PSG11: variants seen among roughly 807,000 people sequenced by gnomAD.
PSG11 encodes the protein pregnancy-specific beta-1-glycoprotein 11.
PSG11 carries 42 observed loss-of-function variants against 36.0 expected under a neutral mutation model. That is an observed-to-expected ratio of 1.17 (90% CI 0.91 to 1.51). The LOEUF is 1.51. Among genes scored for constraint, PSG11 ranks in the 40% most tolerant of loss-of-function variants. The probability of loss-of-function intolerance (pLI) is 0.00; values close to 1 mark genes in which losing one functional copy is unlikely to be tolerated. For synonymous variants in PSG11, 206 were observed against 153.5 expected (o/e 1.34, Z -2.53); for missense variants, 558 against 403.5 (o/e 1.38, Z -3.28).
At chr19:43,019,393 C>T in intron 2 of PSG11, 1 of 329,202 alleles carries the variant, frequency 3.0e-6, no homozygotes. Flanking sequence ...TGACTTGGAG[C>T]ATGCAGTGCT....
intron 4 of PSG11, among the ~76,000 whole-genome samples, chr19:43,012,863 G>C (rs28754933): frequency 0.038 from 5,756 of 151,428 alleles, 347 homozygotes; most frequent in African/African-American, 0.084. Flanking sequence ...GGAGGACTCA[G>C]ACTTCCTGAT....
intron 4 of PSG11, chr19:43,014,034 T>C (rs557406653): frequency 6.6e-6 from 1 of 151,590 alleles, no homozygotes; most frequent in African/African-American, 2.4e-5. Flanking sequence ...GTAATTATTA[T>C]ATAATTCCAT....
chr19:43,011,158 T>C (rs1222181295), intron 4 of PSG11, among the ~76,000 whole-genome samples: 1 of 151,100 alleles, frequency 6.6e-6, no homozygotes, highest in Non-Finnish European at 1.5e-5. Flanking sequence ...ATGATGATAG[T>C]AATATAGTAG....
chr19:43,026,393 TCTC>T lies in PSG11; in HGVS notation c.-24_-22del, dbSNP rs1460727794. 1.9e-6 allele frequency: 3 copies of T among 1,607,350 alleles called. No individual in the cohort carries two copies. Among genetic ancestry groups the T allele is most frequent in the African/African-American group, 2.7e-5 (2 of 74,060 alleles). On this transcript the variant is annotated 5_prime_UTR_variant, in exon 1 of 6. Transcript: ENST00000320078. ...CCCATGATCTCTGCTGCGTGCATGT[TCTC>T]CTCTGTGGAGATGAGCCTAGGATCC...
chr19:43,013,104 C>T (rs1974115088), intron 4 of PSG11, among the ~76,000 whole-genome samples: 4 of 151,292 alleles, frequency 2.6e-5, no homozygotes. Flanking sequence ...CTTTACCTAA[C>T]ACCATGTACA....
At chr19:43,013,126 A>T (rs1368780378) in intron 4 of PSG11, among the ~76,000 whole-genome samples, 2 of 151,334 alleles carry the variant, frequency 1.3e-5, no homozygotes, top group African/African-American at 4.9e-5. Context: ...AAATTAACCC[A>T]CAATAAATCA....
intron 2 of PSG11, among the ~76,000 whole-genome samples, chr19:43,021,440 C>G (rs1358517352): frequency 6.6e-6 from 1 of 151,274 alleles, no homozygotes; most frequent in African/African-American, 2.4e-5. Flanking sequence ...CAAGCTCCAC[C>G]TCCCGGGTTC....
Position 43,019,008 on chromosome 19 carries a change from G to A in PSG11, c.471C>T (p.Asn157=), listed in dbSNP as rs753564155. 1.1e-5 allele frequency: 18 copies of A among 1,611,922 alleles called. 1 individual carries two copies. Among genetic ancestry groups the A allele is most frequent in the African/African-American group, 8.1e-5 (6 of 74,374 alleles). ...PKPSISSSNL[N]PREAMETVIL... ...TCACAGTCTCCATGGCCTCCCTGGG[G>A]TTTAAGTTGCTGCTGGAGATGGAGG... The change falls in exon 3 of 6, where the codon AAC becomes AAT. Residue 157 remains asparagine, a synonymous_variant. Coordinates refer to ENST00000320078, the MANE Select transcript of PSG11 (RefSeq NM_002785.3).
At chr19:43,023,255 A>C (rs996245911) in intron 2 of PSG11, among the ~76,000 whole-genome samples, 2 of 150,370 alleles carry the variant, frequency 1.3e-5, no homozygotes, top group Admixed American at 6.6e-5. Flanking sequence ...AGGATTCTGC[A>C]TTCAAGATCC....
Position 43,018,978 on chromosome 19 carries a change from T to G in PSG11, c.501A>C (p.Leu167Phe). Residue 167 changes from leucine to phenylalanine, a missense_variant, in exon 3 of 6, where the codon TTA becomes TTC. Leu to Phe is a conservative substitution (Grantham distance 22). Coordinates refer to ENST00000320078, the MANE Select transcript of PSG11 (RefSeq NM_002785.3). ...NPREAMETVI[L>F]TCNPETPDAS... The stretch of plus-strand genomic sequence containing the variant: ...CGTCCGGAGTCTCAGGATTACAGGT[T>G]AAGATCACAGTCTCCATGGCCTCCC... 6.2e-7 allele frequency: 1 copy of G among 1,612,082 alleles called. No homozygotes were observed. The highest frequency in any genetic ancestry group is 8.5e-7 in the Non-Finnish European group (1 of 1,179,152).
In PSG11 at chr19:43,025,216, G is replaced by T. The variant is rs568436406; in HGVS notation, c.65-160C>A. On this transcript the variant is annotated intron_variant, in intron 1 of 5. Coordinates refer to ENST00000320078, the MANE Select transcript of PSG11 (RefSeq NM_002785.3). Reference sequence around the variant, plus strand: ...ACATACACACACAGAAAAGGGGCATGTGTGTTTGTGTATGTGTATGTGTGT... The same window carrying T: ...ACATACACACACAGAAAAGGGGCATTTGTGTTTGTGTATGTGTATGTGTGT... The T allele has an allele frequency of 2.7e-4, 349 of 1,274,488 alleles. 6 individuals carry two copies. In the African/African-American group the frequency reaches 4.6e-3, roughly 17 times the overall value. The allele number at this position is 1,274,488 out of a possible 1,614,324, so 78.9% of individuals were successfully genotyped here.
At chr19:43,011,798 GGAGAATTGCTT>G (rs1169770956) in intron 4 of PSG11, among the ~76,000 whole-genome samples, 10 of 150,626 alleles carry the variant, frequency 6.6e-5, no homozygotes, top group Non-Finnish European at 1.5e-4. Context: ...GGCTGAAGAA[GGAGAATTGCTT>G]GAGCCCAGGA....
intron 2 of PSG11, among the ~76,000 whole-genome samples, chr19:43,022,260 C>T (rs150934134): frequency 0.022 from 3,354 of 151,436 alleles, 245 homozygotes; most frequent in African/African-American, 0.078. Flanking sequence ...TATTGTAGAA[C>T]GTGAGATTGG....
intron 2 of PSG11, 150 bp from the exon 3 acceptor site, chr19:43,019,198 T>C: frequency 6.8e-7 from 1 of 1,474,132 alleles, no homozygotes; most frequent in Non-Finnish European, 9.1e-7. Context: ...CACAGATGCA[T>C]GGCATTCTGA....
chr19:43,008,946 A>G (rs1184963961), intron 5 of PSG11, among the ~76,000 whole-genome samples: 1 of 151,164 alleles, frequency 6.6e-6, no homozygotes, highest in Admixed American at 6.6e-5. Context: ...CAGACCTTTA[A>G]ACTGGAACTA....
intron 2 of PSG11, among the ~76,000 whole-genome samples, chr19:43,021,002 T>C (rs771774925): frequency 1.3e-5 from 2 of 151,314 alleles, no homozygotes; most frequent in Non-Finnish European, 2.9e-5. Flanking sequence ...CTCCAACTTA[T>C]GAAAACGGCA....
Position 43,015,095 on chromosome 19 carries a change from AG to A in PSG11, c.964+20del. The A allele has an allele frequency of 6.2e-7, 1 of 1,611,626 alleles. No homozygotes were observed. Among genetic ancestry groups the A allele is most frequent in the East Asian group, 2.2e-5 (1 of 44,814 alleles). On this transcript the variant is annotated intron_variant, in intron 4 of 5. Coordinates refer to ENST00000320078, the MANE Select transcript of PSG11 (RefSeq NM_002785.3). Reference sequence around the variant, plus strand: ...GACTCCACCTAAAACCCTATTGCCAAGGATGCTGGGATCCACTTACCAATGA... The same window carrying A: ...GACTCCACCTAAAACCCTATTGCCAAGATGCTGGGATCCACTTACCAATGA...
At chr19:43,021,673 G>A (rs1462363778) in intron 2 of PSG11, among the ~76,000 whole-genome samples, 1 of 151,476 alleles carries the variant, frequency 6.6e-6, no homozygotes, top group African/African-American at 2.4e-5. Flanking sequence ...ATGAGTTGTT[G>A]ACTTTTGAGT....
At chr19:43,016,301 C>T (rs530983792) in intron 3 of PSG11, among the ~76,000 whole-genome samples, 3 of 151,278 alleles carry the variant, frequency 2.0e-5, no homozygotes, top group African/African-American at 4.9e-5. Context: ...TGGACAGATA[C>T]GTCAGTGGGA....
Sources: allele counts gnomAD v4.1 joint callset (sites outside exome capture counted in the v4.1 genomes callset), GRCh38; gene constraint gnomAD v4.1.1; transcripts MANE v1.5; gene names NCBI Gene and HGNC (gene_info 2026-07-23, HGNC 2026-07-21).